IQGAP2: variants seen among roughly 807,000 people sequenced by gnomAD.
IQGAP2 encodes IQ motif containing GTPase activating protein 2.
A neutral mutation model predicts 201.3 loss-of-function variants in IQGAP2; 173 were observed. That is an observed-to-expected ratio of 0.86 (90% CI 0.76 to 0.98). The LOEUF is 0.98. Among genes scored for constraint, IQGAP2 ranks in the 50% least tolerant of loss-of-function variants. The probability of loss-of-function intolerance (pLI) is 0.00; values close to 1 mark genes in which losing one functional copy is unlikely to be tolerated. For synonymous variants in IQGAP2, 675 were observed against 673.9 expected, an observed-to-expected ratio of 1.00 and a Z score of -0.03; for missense variants, 1,687 against 1,864.8, an observed-to-expected ratio of 0.90 and a Z score of 1.76.
intron 2 of IQGAP2, among the ~76,000 whole-genome samples, chr5:76,491,491 A>G (rs773030542): frequency 4.9e-4 from 74 of 152,106 alleles, no homozygotes; most frequent in Non-Finnish European, 8.4e-4. Context: ...TTTTGTAGAG[A>G]TAAGATTTCA....
In IQGAP2 at chr5:76,658,501, T is replaced by C. The variant is rs544960476; in HGVS notation, c.2363T>C (p.Val788Ala). 1.6e-5 allele frequency: 26 copies of C among 1,614,026 alleles called. No individual in the cohort carries two copies. The South Asian group carries it at 2.9e-4, about 18-fold the overall frequency. The part of the protein sequence containing the change: ...NPPLTVIRKF[V>A]YLLDQSDLDF... ...CCATTAACAGTAATTCGCAAATTTGTATACCTGCTGGACCAAAGTGATTTG... is the reference window on the plus strand; with the variant it reads ...CCATTAACAGTAATTCGCAAATTTGCATACCTGCTGGACCAAAGTGATTTG... Residue 788 changes from valine (V) to alanine (A), a missense_variant, in exon 21 of 36, where the codon GTA (valine) becomes GCA (alanine). By Grantham distance (64) the Val-to-Ala change is moderately conservative. Transcript: ENST00000274364.
At chr5:76,479,956 T>A (rs947812711) in intron 2 of IQGAP2, among the ~76,000 whole-genome samples, 1 of 152,054 alleles carries the variant, frequency 6.6e-6, no homozygotes, top group Admixed American at 6.6e-5. Flanking sequence ...TCCTGATGTG[T>A]CTCCCAGGCT....
At chr5:76,422,044 C>T (rs867926490) in intron 1 of IQGAP2, among the ~76,000 whole-genome samples, 1 of 152,254 alleles carries the variant, frequency 6.6e-6, no homozygotes, top group South Asian at 2.1e-4. Flanking sequence ...TATAATATTT[C>T]CCATTGATTT....
chr5:76,475,172 G>A (rs1160005165), intron 2 of IQGAP2, among the ~76,000 whole-genome samples: 1 of 152,142 alleles, frequency 6.6e-6, no homozygotes, highest in Non-Finnish European at 1.5e-5. Flanking sequence ...GGGGAGAGAG[G>A]AAGGATACTA....
intron 5 of IQGAP2, among the ~76,000 whole-genome samples, chr5:76,587,339 CAA>C (rs1746317653): frequency 6.7e-6 from 1 of 149,596 alleles, no homozygotes; most frequent in African/African-American, 2.5e-5. Flanking sequence ...TTTATTGTAA[CAA>C]ATACGAAATA....
Position 76,655,072 on chromosome 5 carries a change from T to C in IQGAP2, c.2320+69T>C, listed in dbSNP as rs750073881. ...CCAGGCAAGGACATATTGGTCCATATTGGTCACTTCAGAGGCTGCTCTAAG... is the reference window on the plus strand; with the variant it reads ...CCAGGCAAGGACATATTGGTCCATACTGGTCACTTCAGAGGCTGCTCTAAG... On this transcript the variant is annotated intron_variant, in intron 20 of 35. Coordinates refer to ENST00000274364, the MANE Select transcript of IQGAP2 (RefSeq NM_006633.5). 33 of 1,113,114 alleles carry C rather than the reference T, an allele frequency of 3.0e-5. No individual in the cohort carries two copies. In the Admixed American group the frequency reaches 5.0e-4, roughly 17 times the overall value. 69.0% of individuals were successfully genotyped at this position (1,113,114 alleles called of 1,614,324 possible).
At chr5:76,652,313 C>T (rs1277045193) in intron 17 of IQGAP2, among the ~76,000 whole-genome samples, 2 of 152,158 alleles carry the variant, frequency 1.3e-5, no homozygotes, top group African/African-American at 4.8e-5. Flanking sequence ...CCTTTCCAGT[C>T]GGGGCCACAG....
At chr5:76,463,909 G>A (rs1174176727) in intron 2 of IQGAP2, among the ~76,000 whole-genome samples, 2 of 150,616 alleles carry the variant, frequency 1.3e-5, no homozygotes, top group African/African-American at 2.4e-5. Flanking sequence ...CTGCAGTGGC[G>A]GGATCTCAGC....
At chr5:76,511,260 C>T (rs1167475935) in intron 2 of IQGAP2, among the ~76,000 whole-genome samples, 1 of 152,140 alleles carries the variant, frequency 6.6e-6, no homozygotes, top group Non-Finnish European at 1.5e-5. Flanking sequence ...GTAGGGGTCA[C>T]ATCTCCGAGA....
intron 10 of IQGAP2, among the ~76,000 whole-genome samples, chr5:76,599,515 G>A (rs1444319182): frequency 6.6e-6 from 1 of 152,058 alleles, no homozygotes; most frequent in African/African-American, 2.4e-5. Flanking sequence ...GATAGAGGAG[G>A]TGAATTATAA....
At position 76,529,669 on chromosome 5, in the gene IQGAP2, AATAATAATG is replaced by A. The variant is rs1204625453; in HGVS notation, c.147-32726_147-32718del. On this transcript the variant is annotated intron_variant, in intron 2 of 35. Coordinates refer to ENST00000274364, the MANE Select transcript of IQGAP2 (RefSeq NM_006633.5). ...TAATAATAATAATAATAATAATAAT[AATAATAATG>A]GTTATTTTTAAAGTAATATTTAATG... is the stretch of plus-strand genomic sequence containing the variant. 6.2e-5 allele frequency among the ~76,000 whole-genome samples: 7 copies of A among 112,878 alleles called. No homozygotes were observed. In the South Asian group the frequency reaches 7.8e-4, roughly 13 times the overall value. 74.1% of individuals were successfully genotyped at this position (112,878 alleles called of 152,430 possible).
intron 3 of IQGAP2, among the ~76,000 whole-genome samples, chr5:76,563,011 A>C (rs770283456): frequency 6.6e-6 from 1 of 152,226 alleles, no homozygotes; most frequent in Non-Finnish European, 1.5e-5. Context: ...AGTTTTAAGA[A>C]TTGTTTCAGG....
At chr5:76,550,828 G>A (rs572933174) in intron 2 of IQGAP2, among the ~76,000 whole-genome samples, 3 of 152,268 alleles carry the variant, frequency 2.0e-5, no homozygotes, top group South Asian at 2.1e-4. Context: ...TGACAAAACC[G>A]CCATCGTCAT....
chr5:76,693,170 A>G (rs1746426085), intron 30 of IQGAP2, among the ~76,000 whole-genome samples, 185 bp from the exon 31 acceptor site: 1 of 152,254 alleles, frequency 6.6e-6, no homozygotes, highest in African/African-American at 2.4e-5. Context: ...TTTGATTATC[A>G]AGCATTCATA....
chr5:76,409,680 G>A (rs1751001491), intron 1 of IQGAP2, among the ~76,000 whole-genome samples: 2 of 152,178 alleles, frequency 1.3e-5, no homozygotes, highest in Admixed American at 6.5e-5. Flanking sequence ...GTGCCCCAGT[G>A]ATTGCTAATA....
intron 2 of IQGAP2, among the ~76,000 whole-genome samples, chr5:76,503,522 GT>G (rs771913526): frequency 4.1e-4 from 62 of 151,930 alleles, no homozygotes; most frequent in Non-Finnish European, 6.6e-4. Flanking sequence ...TATAGATTGA[GT>G]TTTGTTGTCA....
At chr5:76,475,282 A>G (rs1384761630) in intron 2 of IQGAP2, among the ~76,000 whole-genome samples, 1 of 152,180 alleles carries the variant, frequency 6.6e-6, no homozygotes, top group African/African-American at 2.4e-5. Flanking sequence ...TGAAGATCCA[A>G]TTAGTGTTAT....
chr5:76,461,160 G>A (rs1026450152), intron 1 of IQGAP2, among the ~76,000 whole-genome samples: 2 of 151,862 alleles, frequency 1.3e-5, no homozygotes, highest in African/African-American at 4.8e-5. Flanking sequence ...TTACAGGCGT[G>A]AGCCGCCGCA....
In IQGAP2 at chr5:76,673,525, G is replaced by C. The variant is rs1580785554; in HGVS notation, c.3145G>C (p.Glu1049Gln). The change falls in exon 25 of 36, where the codon GAG (glutamate) becomes CAG (glutamine). Residue 1049 changes from glutamate (E) to glutamine (Q), a missense_variant. Coordinates refer to ENST00000274364, the MANE Select transcript of IQGAP2 (RefSeq NM_006633.5). Reference protein sequence around the residue: ...EVKNKLEASIENLRRVTDKVL... With the variant: ...EVKNKLEASIQNLRRVTDKVL... ...GAAAAATAAACTGGAGGCTTCCATT[G>C]AGAACCTGAGAAGGGTCACCGACAA... is the stretch of plus-strand genomic sequence containing the variant. 6.2e-7 allele frequency: 1 copy of C among 1,613,988 alleles called. No individual in the cohort carries two copies. The highest frequency in any genetic ancestry group is 2.2e-5 in the East Asian group (1 of 44,882).
Sources: gnomAD v4.1 joint callset for allele counts (sites outside exome capture counted in the v4.1 genomes callset) on GRCh38, gnomAD v4.1.1 for gene constraint, MANE v1.5 for transcripts, NCBI Gene and HGNC (gene_info 2026-07-23, HGNC 2026-07-21) for gene names.